The following MGMT variants were observed in gnomAD, a reference collection of about 807,000 sequenced individuals.
MGMT encodes O-6-methylguanine-DNA methyltransferase, also known as methylated-DNA--protein-cysteine methyltransferase.
Under a neutral mutation model 15.9 loss-of-function variants are expected in MGMT, and 14 were observed. The ratio of observed to expected loss-of-function variants is 0.88; its 90% CI spans 0.58 to 1.37. The LOEUF (loss-of-function observed/expected upper bound fraction) is 1.37, where lower values mean the gene tolerates loss of function less well. MGMT is among the 40% of genes most tolerant of loss of function. The pLI is 0.00. For missense variants in MGMT, 282 were observed against 268.1 expected, an observed-to-expected ratio of 1.05 and a Z score of -0.36; for synonymous variants, 130 against 118.2, an observed-to-expected ratio of 1.10 and a Z score of -0.65.
At chr10:129,510,532 A>T (rs1415072718) in intron 1 of MGMT, among the ~76,000 whole-genome samples, 1 of 152,142 alleles carries the variant, frequency 6.6e-6, no homozygotes, top group African/African-American at 2.4e-5. Context: ...TGGCTGACAG[A>T]TCTGAAGCTC....
At chr10:129,519,025 T>C (rs1043182294) in intron 1 of MGMT, among the ~76,000 whole-genome samples, 3 of 152,184 alleles carry the variant, frequency 2.0e-5, no homozygotes, top group Non-Finnish European at 4.4e-5. Flanking sequence ...CCCTGACTAC[T>C]GACAGGTCAC....
chr10:129,496,688 C>G (rs1056427856), intron 1 of MGMT, among the ~76,000 whole-genome samples: 1 of 152,050 alleles, frequency 6.6e-6, no homozygotes, highest in African/African-American at 2.4e-5. Flanking sequence ...GTCCCGTGCT[C>G]TAGAGGTTCC....
chr10:129,758,867 A>T (rs1848836786), intron 3 of MGMT, among the ~76,000 whole-genome samples: 1 of 152,202 alleles, frequency 6.6e-6, no homozygotes, highest in Non-Finnish European at 1.5e-5. Context: ...TGTGTGTATT[A>T]ATTGAGCCAT....
intron 3 of MGMT, among the ~76,000 whole-genome samples, chr10:129,743,361 G>A (rs182720973): frequency 1.1e-4 from 16 of 152,304 alleles, no homozygotes; most frequent in South Asian, 4.1e-4. Flanking sequence ...GTGCTGTCAC[G>A]CATCCGTTTT....
At chr10:129,588,538 G>A (rs150160802) in intron 2 of MGMT, among the ~76,000 whole-genome samples, 135 of 151,978 alleles carry the variant, frequency 8.9e-4, no homozygotes, top group African/African-American at 2.6e-3. Context: ...CTTCCCACTC[G>A]CACGCATGCA....
intron 2 of MGMT, among the ~76,000 whole-genome samples, chr10:129,576,317 CATCAAAAAGCTTATCCACCATG>C: frequency 6.6e-6 from 1 of 152,240 alleles, no homozygotes; most frequent in Admixed American, 6.5e-5. Flanking sequence ...TCCAGCAGCA[CATCAAAAAGCTTATCCACCATG>C]ATCAAGTGGG....
At chr10:129,565,704 A>G (rs898513250) in intron 2 of MGMT, among the ~76,000 whole-genome samples, 6 of 152,162 alleles carry the variant, frequency 3.9e-5, no homozygotes, top group African/African-American at 1.4e-4. Flanking sequence ...CCATAGCCAC[A>G]GGAGCATCTG....
chr10:129,590,247 A>G (rs1846667072), intron 2 of MGMT, among the ~76,000 whole-genome samples: 2 of 152,218 alleles, frequency 1.3e-5, no homozygotes, highest in South Asian at 4.1e-4. Context: ...ATCTTATAAA[A>G]TACGTTTAAT....
intron 2 of MGMT, among the ~76,000 whole-genome samples, chr10:129,687,945 GTGT>G (rs962029029): frequency 2.7e-4 from 41 of 151,978 alleles, no homozygotes; most frequent in African/African-American, 9.7e-4. Flanking sequence ...AGAACACATG[GTGT>G]TTGGTTTTCT....
At chr10:129,716,828 G>A (rs766837102) in intron 3 of MGMT, among the ~76,000 whole-genome samples, 27 of 152,256 alleles carry the variant, frequency 1.8e-4, no homozygotes, top group South Asian at 4.1e-4. Context: ...TTTGTGAATC[G>A]CATCCTTGAA....
intron 1 of MGMT, among the ~76,000 whole-genome samples, chr10:129,482,029 T>C (rs889574093): frequency 6.6e-6 from 1 of 152,198 alleles, no homozygotes; most frequent in African/African-American, 2.4e-5. Context: ...TTTTCTCATA[T>C]AAACATTTAA....
chr10:129,542,654 T>G (rs973893835), intron 2 of MGMT, among the ~76,000 whole-genome samples: 1 of 152,238 alleles, frequency 6.6e-6, no homozygotes, highest in African/African-American at 2.4e-5. Context: ...TTTTACTTTA[T>G]AGAGTGTTCC....
At chr10:129,668,300 A>T (rs1589925580) in intron 2 of MGMT, among the ~76,000 whole-genome samples, 1 of 152,122 alleles carries the variant, frequency 6.6e-6, no homozygotes, top group Admixed American at 6.5e-5. Flanking sequence ...AAAAAAAAGA[A>T]TAACCTTTAG....
At chr10:129,568,843 G>A (rs548250516) in intron 2 of MGMT, among the ~76,000 whole-genome samples, 10 of 151,988 alleles carry the variant, frequency 6.6e-5, no homozygotes, top group African/African-American at 1.7e-4. Flanking sequence ...TTCTTCCTGC[G>A]CTGCAACAGC....
intron 2 of MGMT, among the ~76,000 whole-genome samples, chr10:129,649,621 TGAGA>T (rs1189220497): frequency 6.6e-6 from 1 of 152,106 alleles, no homozygotes; most frequent in African/African-American, 2.4e-5. Flanking sequence ...CTCCTCAGGT[TGAGA>T]GAGAGAAAGA....
intron 2 of MGMT, among the ~76,000 whole-genome samples, chr10:129,702,478 C>T (rs1848110443): frequency 6.6e-6 from 1 of 152,202 alleles, no homozygotes; most frequent in Admixed American, 6.5e-5. Flanking sequence ...GGAGGTGCGA[C>T]TCTGATGGGC....
intron 2 of MGMT, among the ~76,000 whole-genome samples, chr10:129,702,652 T>C (rs1848112471): frequency 6.6e-6 from 1 of 152,192 alleles, no homozygotes; most frequent in African/African-American, 2.4e-5. Context: ...TCTTGTCTCC[T>C]GCACTGGCTC....
chr10:129,669,210 G>C (rs1388458690), intron 2 of MGMT, among the ~76,000 whole-genome samples: 2 of 150,344 alleles, frequency 1.3e-5, no homozygotes, highest in East Asian at 3.9e-4. Flanking sequence ...ATTTTTTTTT[G>C]TTAAGAGACA....
intron 3 of MGMT, among the ~76,000 whole-genome samples, chr10:129,708,499 T>A (rs1027660708): frequency 6.6e-6 from 1 of 152,238 alleles, no homozygotes; most frequent in African/African-American, 2.4e-5. Flanking sequence ...TCAAATAATT[T>A]TACATTTAAT....
Sources: allele counts gnomAD v4.1 joint callset (sites outside exome capture counted in the v4.1 genomes callset), GRCh38; gene constraint gnomAD v4.1.1; transcripts MANE v1.5; gene names NCBI Gene and HGNC (gene_info 2026-07-23, HGNC 2026-07-21).